Variants in CC2D2B observed in about 807,000 individuals in gnomAD.
CC2D2B encodes the protein protein CC2D2B.
Under a neutral mutation model 161.2 loss-of-function variants are expected in CC2D2B, and 128 were observed. The observed-to-expected ratio is 0.79, with a 90% CI of 0.69 to 0.92. CC2D2B has a LOEUF of 0.92. CC2D2B is among the 40% of genes least tolerant of loss of function. CC2D2B has a pLI of 0.00. For synonymous variants in CC2D2B, 391 were observed against 449.8 expected, an observed-to-expected ratio of 0.87 and a Z score of 1.65; for missense variants, 1,173 against 1,375.1, an observed-to-expected ratio of 0.85 and a Z score of 2.32.
At chr10:95,914,176 A>C (rs113017517) in intron 2 of CC2D2B, among the ~76,000 whole-genome samples, 32 of 152,306 alleles carry the variant, frequency 2.1e-4, no homozygotes, top group African/African-American at 7.5e-4. Context: ...ATTCTTCTGC[A>C]TATGGATATC....
At chr10:95,983,274 G>C (rs933443538) in intron 18 of CC2D2B, among the ~76,000 whole-genome samples, 1 of 152,178 alleles carries the variant, frequency 6.6e-6, no homozygotes, top group African/African-American at 2.4e-5. Context: ...TGCAGAATTG[G>C]TTATAGGTAT....
chr10:96,022,670 T>G (rs1165309547), intron 32 of CC2D2B: 1 of 152,216 alleles, frequency 6.6e-6, no homozygotes, highest in East Asian at 1.9e-4. Context: ...CAGGTGATAT[T>G]TATTGATTTC....
chr10:96,012,462 C>T (rs2079034425), intron 27 of CC2D2B, 70 bp from the exon 28 acceptor site: 6 of 1,126,410 alleles, frequency 5.3e-6, no homozygotes, highest in Admixed American at 2.0e-5. Context: ...CAAAAATAAA[C>T]ATTGGTTCTT....
At chr10:95,975,154 C>T (rs1249580798) in intron 17 of CC2D2B, among the ~76,000 whole-genome samples, 4 of 152,138 alleles carry the variant, frequency 2.6e-5, no homozygotes, top group African/African-American at 9.7e-5. Context: ...AAATCTAAAA[C>T]TTCTCTAAAA....
intron 34 of CC2D2B, among the ~76,000 whole-genome samples, chr10:96,028,213 G>A (rs559784659): frequency 3.9e-5 from 6 of 151,922 alleles, no homozygotes; most frequent in African/African-American, 4.8e-5. Context: ...GAAAATATTC[G>A]GAAACTACCA....
At chr10:95,998,257 T>C (rs769248219) in intron 24 of CC2D2B, among the ~76,000 whole-genome samples, 7 of 152,208 alleles carry the variant, frequency 4.6e-5, no homozygotes, top group East Asian at 1.9e-4. Flanking sequence ...TGAGCCAACA[T>C]TGATACATCA....
At chr10:95,972,562 C>T (rs956989290) in intron 16 of CC2D2B, among the ~76,000 whole-genome samples, 3 of 152,210 alleles carry the variant, frequency 2.0e-5, no homozygotes, top group African/African-American at 7.2e-5. Flanking sequence ...GATCCGCCCC[C>T]CTCAGCCTCC....
intron 30 of CC2D2B, among the ~76,000 whole-genome samples, chr10:96,016,845 C>T (rs771162940): frequency 1.3e-5 from 2 of 152,102 alleles, no homozygotes; most frequent in African/African-American, 2.4e-5. Flanking sequence ...CTCAACCTCC[C>T]GAGTAGCTGG....
At chr10:95,996,093 G>A (rs758927402) in intron 23 of CC2D2B, 50 bp from the exon 24 acceptor site, 19 of 804,106 alleles carry the variant, frequency 2.4e-5, no homozygotes, top group South Asian at 5.1e-5. Context: ...TACCTTTATC[G>A]ACTATATATA....
At chr10:95,971,950 C>A (rs1423941895) in intron 15 of CC2D2B, 116 bp from the exon 16 acceptor site, 1 of 486,018 alleles carries the variant, frequency 2.1e-6, no homozygotes, top group Non-Finnish European at 3.2e-6. Flanking sequence ...TGCTATAGAG[C>A]AATACTTATT....
At chr10:96,025,170 T>TATAAAAAAAAAAAAA (rs2079662066) in intron 33 of CC2D2B, among the ~76,000 whole-genome samples, 4 of 19,324 alleles carry the variant, frequency 2.1e-4, no homozygotes, top group African/African-American at 8.4e-4. Context: ...TATATATATA[T>TATAAAAAAAAAAAAA]ATATATATAT....
intron 33 of CC2D2B, among the ~76,000 whole-genome samples, chr10:96,026,715 G>C (rs1438059580): frequency 6.6e-6 from 1 of 152,100 alleles, no homozygotes; most frequent in African/African-American, 2.4e-5. Flanking sequence ...GTCTTCCCAA[G>C]CCAAGTAAGA....
At position 95,915,740 on chromosome 10, in the gene CC2D2B, C is replaced by G. The variant is rs953565425; in HGVS notation, c.36+4381C>G. Among the ~76,000 whole-genome samples, 40 of 152,248 alleles carry G rather than the reference C, an allele frequency of 2.6e-4. 1 individual carries two copies. Among genetic ancestry groups the G allele is most frequent in the Admixed American group, 2.4e-3 (37 of 15,296 alleles). ...TGTATGTTGAACCACCCTTGTATCC[C>G]TGTGATGAATCTCATTTGGTCACGA... On this transcript the variant is annotated intron_variant, in intron 2 of 34. Transcript: ENST00000646931.
At chr10:95,912,867 C>A (rs777010461) in intron 2 of CC2D2B, among the ~76,000 whole-genome samples, 11 of 151,966 alleles carry the variant, frequency 7.2e-5, no homozygotes, top group Non-Finnish European at 1.6e-4. Flanking sequence ...GTATGGGGTA[C>A]ATGAGATATT....
intron 19 of CC2D2B, 81 bp downstream of exon 19, chr10:95,983,890 C>CT (rs954684558): frequency 7.1e-4 from 444 of 623,106 alleles, no homozygotes; most frequent in Middle Eastern, 3.0e-3. Context: ...TAATTTATTT[C>CT]TTTTTTTTTA....
At chr10:96,004,272 C>A (rs778936458) in intron 25 of CC2D2B, 24 bp downstream of exon 25, 3 of 1,186,470 alleles carry the variant, frequency 2.5e-6, no homozygotes, top group Admixed American at 2.6e-5. Context: ...ATTACAATAG[C>A]CAATGCTGAA....
chr10:95,988,189 A>G (rs569206710), intron 19 of CC2D2B, 61 bp from the exon 20 acceptor site: 4 of 560,748 alleles, frequency 7.1e-6, no homozygotes, highest in South Asian at 9.1e-5. Flanking sequence ...ATTTATTGCA[A>G]TGTGTCATAT....
At chr10:95,978,874 T>C (rs1426155529) in intron 17 of CC2D2B, among the ~76,000 whole-genome samples, 3 of 152,240 alleles carry the variant, frequency 2.0e-5, no homozygotes, top group African/African-American at 7.2e-5. Flanking sequence ...TGTTTGATTC[T>C]CTTTCATATC....
At chr10:95,931,431 A>C (rs929051115) in intron 6 of CC2D2B, among the ~76,000 whole-genome samples, 2 of 151,842 alleles carry the variant, frequency 1.3e-5, no homozygotes, top group African/African-American at 2.4e-5. Context: ...TAGCTTTTGA[A>C]TTTGTTTGCT....
Sources: gnomAD v4.1 joint callset for allele counts (sites outside exome capture counted in the v4.1 genomes callset) on GRCh38, gnomAD v4.1.1 for gene constraint, MANE v1.5 for transcripts, NCBI Gene and HGNC (gene_info 2026-07-23, HGNC 2026-07-21) for gene names.